The following SPATS2L variants were observed in gnomAD, a reference collection of about 807,000 sequenced individuals.
SPATS2L encodes the protein SPATS2-like protein.
Under a neutral mutation model 59.6 loss-of-function variants are expected in SPATS2L, and 30 were observed. That is an observed-to-expected ratio of 0.50 (90% CI 0.38 to 0.68). The LOEUF (loss-of-function observed/expected upper bound fraction) is 0.68. Ranked by LOEUF, SPATS2L falls within the 30% of genes least tolerant of loss-of-function variation. The pLI is 0.00. For missense variants in SPATS2L, 615 were observed against 700.0 expected (o/e 0.88, Z 1.37); for synonymous variants, 252 against 263.5 (o/e 0.96, Z 0.42).
intron 8 of SPATS2L, among the ~76,000 whole-genome samples, chr2:200,451,836 TC>T (rs200428171): frequency 4.8e-4 from 70 of 146,636 alleles, no homozygotes; most frequent in Admixed American, 1.3e-3. Context: ...TTTTTTCTTT[TC>T]TTTTTTTGGA....
intron 8 of SPATS2L, among the ~76,000 whole-genome samples, chr2:200,454,292 T>C (rs917660411): frequency 1.3e-5 from 2 of 152,208 alleles, no homozygotes; most frequent in African/African-American, 4.8e-5. Context: ...GCTTATCAAC[T>C]ACATTGATGG....
At chr2:200,391,406 T>C (rs1483926500) in intron 3 of SPATS2L, among the ~76,000 whole-genome samples, 3 of 152,230 alleles carry the variant, frequency 2.0e-5, no homozygotes, top group African/African-American at 7.2e-5. Context: ...TAAGTATATT[T>C]CAATATAAGT....
intron 2 of SPATS2L, among the ~76,000 whole-genome samples, chr2:200,378,756 C>T (rs1350090652): frequency 2.6e-5 from 4 of 152,096 alleles, no homozygotes; most frequent in Non-Finnish European, 4.4e-5. Flanking sequence ...CCATGACAAC[C>T]GAGCCAGCTT....
chr2:200,458,135 T>C (rs6728592), intron 8 of SPATS2L, among the ~76,000 whole-genome samples: 61,307 of 152,092 alleles, frequency 0.4, 13,410 homozygotes, highest in East Asian at 0.58. Flanking sequence ...CATCCTACCT[T>C]ACCTATGCAA....
intron 9 of SPATS2L, among the ~76,000 whole-genome samples, chr2:200,466,883 C>T (rs1212382524): frequency 6.6e-6 from 1 of 152,202 alleles, no homozygotes; most frequent in Non-Finnish European, 1.5e-5. Context: ...AATAGTGCAG[C>T]ACATATAGAA....
chr2:200,369,078 T>TA (rs11383455), intron 2 of SPATS2L, among the ~76,000 whole-genome samples: 79,718 of 126,098 alleles, frequency 0.63, 22,975 homozygotes, highest in African/African-American at 0.75. Flanking sequence ...TTGATAGTTC[T>TA]AAAAAAAAAA....
chr2:200,331,090 A>G (rs1244961415), intron 2 of SPATS2L, among the ~76,000 whole-genome samples: 5 of 152,308 alleles, frequency 3.3e-5, no homozygotes, highest in South Asian at 2.1e-4. Context: ...GCATAATCCT[A>G]TTGCCAGCAG....
chr2:200,460,441 C>T (rs1427231432), intron 9 of SPATS2L, among the ~76,000 whole-genome samples: 1 of 152,130 alleles, frequency 6.6e-6, no homozygotes, highest in Non-Finnish European at 1.5e-5. Flanking sequence ...TTTTAAGCAA[C>T]TCTTATAAAA....
intron 2 of SPATS2L, among the ~76,000 whole-genome samples, chr2:200,389,001 A>G (rs1306440880): frequency 6.6e-6 from 1 of 152,222 alleles, no homozygotes; most frequent in Non-Finnish European, 1.5e-5. Context: ...TTTTCATGTC[A>G]ATACAGTATG....
At chr2:200,358,542 C>G (rs541164783) in intron 2 of SPATS2L, among the ~76,000 whole-genome samples, 1 of 151,812 alleles carries the variant, frequency 6.6e-6, no homozygotes, top group South Asian at 2.1e-4. Context: ...TCTGCTCACT[C>G]ACATGCAGAA....
chr2:200,347,632 A>G (rs1326603778), intron 2 of SPATS2L, among the ~76,000 whole-genome samples: 1 of 152,166 alleles, frequency 6.6e-6, no homozygotes, highest in African/African-American at 2.4e-5. Flanking sequence ...CCCAGGGCTC[A>G]GGTTGGAGGC....
At chr2:200,389,185 T>A in intron 2 of SPATS2L, 38 bp from the exon 3 acceptor site, 2 of 1,363,200 alleles carry the variant, frequency 1.5e-6, no homozygotes, top group Non-Finnish European at 2.0e-6. Flanking sequence ...CATTGAGAAA[T>A]CAATTTTAAA....
chr2:200,473,021 C>G lies in SPATS2L; in HGVS notation c.1250C>G (p.Pro417Arg). 1.2e-6 allele frequency: 2 copies of G among 1,613,680 alleles called. No homozygotes were observed. Among genetic ancestry groups the G allele is most frequent in the Non-Finnish European group, 1.7e-6 (2 of 1,179,796 alleles). The change falls in exon 12 of 13, where the codon CCC (proline) becomes CGC (arginine). Residue 417 changes from proline to arginine, a missense_variant. Physicochemically the swap from Pro to Arg is moderately radical, Grantham distance 103. Around this residue, in one of 3 missense-constraint regions of SPATS2L, gnomAD observed 284 missense variants for 280.1 expected, o/e 1.01. Transcript: ENST00000409140. ...AGCAGTCTCCCCAGCACCGCCGACC[C>G]CTCTCACCAGACCATGCCGGCCAAC... ...MVSSLPSTADPSHQTMPANKQ... is the reference protein window; with the variant it reads ...MVSSLPSTADRSHQTMPANKQ...
chr2:200,310,830 A>C (rs1218490103), intron 1 of SPATS2L, among the ~76,000 whole-genome samples: 1 of 152,066 alleles, frequency 6.6e-6, no homozygotes, highest in Non-Finnish European at 1.5e-5. Context: ...TGCCTTTTAG[A>C]ATGTGTCTCT....
At chr2:200,468,379 C>CACACACACACACACACACACACACACAT (rs10524674) in intron 10 of SPATS2L, among the ~76,000 whole-genome samples, 1 of 151,488 alleles carries the variant, frequency 6.6e-6, no homozygotes, top group Non-Finnish European at 1.5e-5. Flanking sequence ...CACACACACA[C>CACACACACACACACACACACACACACAT]GCCTTCCAGC....
intron 1 of SPATS2L, among the ~76,000 whole-genome samples, chr2:200,307,273 C>CCGT (rs1366311755): frequency 4.0e-5 from 6 of 151,772 alleles, no homozygotes; most frequent in African/African-American, 1.4e-4. Flanking sequence ...CCCGCGGCCG[C>CCGT]CGTCCCTCGC....
chr2:200,339,973 T>A (rs931477708), intron 2 of SPATS2L, among the ~76,000 whole-genome samples: 3 of 152,202 alleles, frequency 2.0e-5, no homozygotes, highest in Non-Finnish European at 4.4e-5. Flanking sequence ...GATGGAATCG[T>A]TCACACTGCA....
At chr2:200,429,127 C>G (rs1012357372) in intron 6 of SPATS2L, among the ~76,000 whole-genome samples, 2 of 152,170 alleles carry the variant, frequency 1.3e-5, no homozygotes, top group Non-Finnish European at 2.9e-5. Flanking sequence ...TTCGTTCTTG[C>G]CCTCTCTACT....
In SPATS2L at chr2:200,357,798, G is replaced by A. The variant is rs529387577; in HGVS notation, c.-23+28318G>A. ...AGTAGCACTGGGTTTTAAAGTCTTC[G>A]TAGTTAATTTTTGAGCATCAGTATA... is the stretch of plus-strand genomic sequence containing the variant. On this transcript the variant is annotated intron_variant, in intron 2 of 12. Coordinates refer to ENST00000409140, the MANE Select transcript of SPATS2L (RefSeq NM_001100423.2). Among the ~76,000 whole-genome samples the A allele has an allele frequency of 5.9e-5, 9 of 152,234 alleles. No homozygotes were observed. In the South Asian group the frequency reaches 8.3e-4, roughly 14 times the overall value.
Sources: allele counts gnomAD v4.1 joint callset (sites outside exome capture counted in the v4.1 genomes callset), GRCh38; gene constraint gnomAD v4.1.1; regional missense constraint gnomAD v4.1.1; transcripts MANE v1.5; gene names NCBI Gene and HGNC (gene_info 2026-07-23, HGNC 2026-07-21).